Variants in S100B observed in about 807,000 individuals in gnomAD.
The protein encoded by S100B is protein S100-B.
S100B carries 6 observed loss-of-function variants against 7.7 expected under a neutral mutation model. That is an observed-to-expected ratio of 0.78 (90% CI 0.43 to 1.54). The LOEUF is 1.54. Ranked by LOEUF, S100B falls within the 40% of genes most tolerant of loss-of-function variation. S100B has a pLI of 0.01. For synonymous variants in S100B, 36 were observed against 40.4 expected, an observed-to-expected ratio of 0.89 and a Z score of 0.41; for missense variants, 99 against 111.8, an observed-to-expected ratio of 0.89 and a Z score of 0.52.
intron 2 of S100B, chr21:46,600,423 G>A (rs1044174465): frequency 2.4e-5 from 10 of 415,892 alleles, no homozygotes; most frequent in East Asian, 8.7e-5. Context: ...CCATGTGCCC[G>A]TATTCCCAGC....
At chr21:46,600,511 C>G (rs964822341) in intron 2 of S100B, 1 of 316,106 alleles carries the variant, frequency 3.2e-6, no homozygotes. Flanking sequence ...CACCACTGCA[C>G]TCCAACCTGG....
chr21:46,602,531 C>G, intron 1 of S100B, 115 bp from the exon 2 acceptor site: 2 of 1,081,264 alleles, frequency 1.8e-6, no homozygotes, highest in Non-Finnish European at 2.6e-6. Context: ...CCTTGGCACT[C>G]TTTTCAAGCT....
chr21:46,602,766 A>G (rs1250307533), intron 1 of S100B: 2 of 193,660 alleles, frequency 1.0e-5, no homozygotes, highest in Non-Finnish European at 2.1e-5. Flanking sequence ...TTTCCCCTGA[A>G]TTAATCCCCA....
intron 1 of S100B, among the ~76,000 whole-genome samples, chr21:46,604,570 T>G (rs1396839655): frequency 6.6e-6 from 1 of 152,208 alleles, no homozygotes; most frequent in Non-Finnish European, 1.5e-5. Flanking sequence ...AAGAGTTACT[T>G]ACCCAGGGCG....
chr21:46,599,863 T>C (rs971669697), intron 2 of S100B, among the ~76,000 whole-genome samples: 2 of 152,230 alleles, frequency 1.3e-5, no homozygotes, highest in East Asian at 1.9e-4. Context: ...ACTTTTCGTG[T>C]GTTCTGTGTG....
At chr21:46,603,062 A>G (rs1317689371) in intron 1 of S100B, among the ~76,000 whole-genome samples, 1 of 152,160 alleles carries the variant, frequency 6.6e-6, no homozygotes, top group African/African-American at 2.4e-5. Flanking sequence ...AAATGTAGGA[A>G]GTTTTTCCTT....
chr21:46,601,549 A>G (rs559187301), intron 2 of S100B, among the ~76,000 whole-genome samples: 1 of 152,286 alleles, frequency 6.6e-6, no homozygotes, highest in South Asian at 2.1e-4. Flanking sequence ...GCCCTAATGC[A>G]AGGGTCTGGA....
chr21:46,602,511 G>A (rs551783543), intron 1 of S100B, 95 bp from the exon 2 acceptor site: 3 of 1,293,156 alleles, frequency 2.3e-6, no homozygotes, highest in Admixed American at 2.3e-5. Flanking sequence ...AGACAAGGGG[G>A]ATGGAATGGC....
chr21:46,598,750 A>ACGCTGGAGCCCC lies in S100B; in HGVS notation c.*601_*612dup, dbSNP rs2061032927. The stretch of plus-strand genomic sequence containing the variant: ...TTGAATCGCATGGGTCACGGAGGCC[A>ACGCTGGAGCCCC]CGCTGGAGCCCCCAGAGCTGGCTCG... On this transcript the variant is annotated 3_prime_UTR_variant, in exon 3 of 3. Coordinates refer to ENST00000291700, the MANE Select transcript of S100B (RefSeq NM_006272.3). Among the ~76,000 whole-genome samples the ACGCTGGAGCCCC allele has an allele frequency of 1.3e-5, 2 of 152,220 alleles. No homozygotes were observed. Among genetic ancestry groups the ACGCTGGAGCCCC allele is most frequent in the Non-Finnish European group, 2.9e-5 (2 of 68,042 alleles).
intron 1 of S100B, among the ~76,000 whole-genome samples, chr21:46,604,663 C>A (rs1025828763): frequency 2.6e-5 from 4 of 152,128 alleles, no homozygotes; most frequent in African/African-American, 9.7e-5. Context: ...TCATTTTTAG[C>A]CCCAGTGGGA....
chr21:46,604,005 T>C (rs1484743544), intron 1 of S100B, among the ~76,000 whole-genome samples: 1 of 152,226 alleles, frequency 6.6e-6, no homozygotes, highest in Non-Finnish European at 1.5e-5. Flanking sequence ...TTTTACATCA[T>C]TCTGATGCTC....
At chr21:46,603,398 T>TGGGGGGAGGGGGC in intron 1 of S100B, among the ~76,000 whole-genome samples, 4 of 52,070 alleles carry the variant, frequency 7.7e-5, no homozygotes, top group African/African-American at 2.8e-4. Flanking sequence ...CGGGAGGGGG[T>TGGGGGGAGGGGGC]GGGGGCAGGA....
chr21:46,603,969 G>GTT (rs1314469846), intron 1 of S100B, among the ~76,000 whole-genome samples: 1 of 152,074 alleles, frequency 6.6e-6, no homozygotes, highest in East Asian at 1.9e-4. Flanking sequence ...GTATGTGTGT[G>GTT]TATTTTTTTA....
chr21:46,602,521 C>T, intron 1 of S100B, 105 bp from the exon 2 acceptor site: 2 of 1,179,804 alleles, frequency 1.7e-6, no homozygotes, highest in South Asian at 1.5e-5. Flanking sequence ...GATGGAATGG[C>T]CTTGGCACTC....
At chr21:46,603,878 T>C (rs1395490924) in intron 1 of S100B, among the ~76,000 whole-genome samples, 1 of 152,234 alleles carries the variant, frequency 6.6e-6, no homozygotes, top group Non-Finnish European at 1.5e-5. Flanking sequence ...ATAGAACAAT[T>C]AAGATGGATT....
rs754684307 is a variant in S100B at position 46,602,234 on chromosome 21, A to G, written c.138+44T>C. 2.0e-5 allele frequency: 31 copies of G among 1,570,534 alleles called. No individual in the cohort carries two copies. In the Admixed American group the frequency reaches 4.9e-4, roughly 25 times the overall value. On this transcript the variant is annotated intron_variant, in intron 2 of 2. Coordinates refer to ENST00000291700, the MANE Select transcript of S100B (RefSeq NM_006272.3). Reference sequence around the variant, plus strand: ...TAAAGCCAGTGTACAGATGGATTTTAAGAGGAGATGGAGAAAGTGTCAAGT... The same window carrying G: ...TAAAGCCAGTGTACAGATGGATTTTGAGAGGAGATGGAGAAAGTGTCAAGT...
At position 46,602,287 on chromosome 21, in the gene S100B, ATGGGAAAGCTCATTGT is replaced by A. The variant is rs1307037304; in HGVS notation, c.113_128del (p.Asn38IlefsTer3). ...AAAAAGCAAGACTCACCTCTAAGAA[ATGGGAAAGCTCATTGT>A]TGATGAGCTCCTTCAGTTCGGATTT... On this transcript the variant is annotated frameshift_variant, in exon 2 of 3. Coordinates refer to ENST00000291700, the MANE Select transcript of S100B (RefSeq NM_006272.3). LOFTEE classifies it high-confidence loss of function. 1.3e-5 allele frequency: 21 copies of A among 1,612,880 alleles called. No homozygotes were observed. The highest frequency in any genetic ancestry group is 1.8e-5 in the Non-Finnish European group (21 of 1,179,566).
At chr21:46,602,682 T>G (rs983336353) in intron 1 of S100B, 1 of 325,592 alleles carries the variant, frequency 3.1e-6, no homozygotes, top group Non-Finnish European at 5.6e-6. Flanking sequence ...GCCCTCTGAA[T>G]TCTGGCTGGG....
chr21:46,603,392 A>AGGGGGACGGCGGGAGGGGGGGGCGGGGG (rs1555923741), intron 1 of S100B, among the ~76,000 whole-genome samples: 1 of 38,206 alleles, frequency 2.6e-5, no homozygotes, highest in Non-Finnish European at 4.9e-5. Flanking sequence ...GGACGGCGGG[A>AGGGGGACGGCGGGAGGGGGGGGCGGGGG]GGGGGTGGGG....
Sources: allele counts gnomAD v4.1 joint callset (sites outside exome capture counted in the v4.1 genomes callset), GRCh38; gene constraint gnomAD v4.1.1; transcripts MANE v1.5; gene names NCBI Gene and HGNC (gene_info 2026-07-23, HGNC 2026-07-21).